Variants in NEBL observed in about 807,000 individuals in gnomAD.
The protein encoded by NEBL is nebulette.
Under a neutral mutation model 140.2 loss-of-function variants are expected in NEBL, and 122 were observed. The observed-to-expected ratio is 0.87, with a 90% CI of 0.75 to 1.01. The LOEUF is 1.01. Among genes scored for constraint, NEBL ranks in the 50% least tolerant of loss-of-function variants. NEBL has a pLI of 0.00. For synonymous variants in NEBL, 436 were observed against 398.9 expected (o/e 1.09, Z -1.11); for missense variants, 1,365 against 1,231.3 (o/e 1.11, Z -1.62).
At chr10:21,075,268 C>T (rs940787855) in intron 2 of NEBL, among the ~76,000 whole-genome samples, 2 of 152,170 alleles carry the variant, frequency 1.3e-5, no homozygotes, top group African/African-American at 2.4e-5. Context: ...ACATTTAAAA[C>T]GCTGAGGGCA....
At chr10:20,944,066 A>G (rs1835036217) in intron 4 of NEBL, among the ~76,000 whole-genome samples, 1 of 152,224 alleles carries the variant, frequency 6.6e-6, no homozygotes, top group Non-Finnish European at 1.5e-5. Flanking sequence ...CACAGTCAAT[A>G]AAAACAATAA....
intron 20 of NEBL, chr10:20,819,090 C>T (rs895860328): frequency 3.1e-5 from 31 of 1,004,128 alleles, no homozygotes; most frequent in East Asian, 6.4e-5. Context: ...TTAAGTTCAG[C>T]GGTACATGTG....
intron 2 of NEBL, chr10:21,029,416 G>C (rs763814912): frequency 2.5e-4 from 404 of 1,611,304 alleles, no homozygotes; most frequent in Non-Finnish European, 3.3e-4. Context: ...GAAAGGTTTT[G>C]GTTATGCTGA....
chr10:21,146,325 C>G lies in NEBL; in HGVS notation c.164+26058G>C, dbSNP rs748389276. 7 of 1,601,160 alleles carry G rather than the reference C, an allele frequency of 4.4e-6. No homozygotes were observed. The African/African-American group carries it at 6.7e-5, about 15-fold the overall frequency. ...CACACCCATGCAGTATAAACCTGCC[C>G]CCAACACATACTCTACCTGTTCATG... On this transcript the variant is annotated intron_variant, in intron 2 of 6. Transcript: ENST00000417816.
At chr10:20,990,296 G>A (rs934708084) in intron 3 of NEBL, among the ~76,000 whole-genome samples, 5 of 152,198 alleles carry the variant, frequency 3.3e-5, no homozygotes, top group Non-Finnish European at 7.3e-5. Context: ...TTACAGCTAT[G>A]TTTGTGTCCT....
intron 4 of NEBL, among the ~76,000 whole-genome samples, chr10:20,884,452 G>T (rs539291008): frequency 8.5e-5 from 13 of 152,234 alleles, no homozygotes; most frequent in Middle Eastern, 3.4e-3. Flanking sequence ...AAAATTCATA[G>T]ATCTCTAAAT....
chr10:20,869,951 CTACTG>C, intron 5 of NEBL, 110 bp from the exon 6 acceptor site: 1 of 796,750 alleles, frequency 1.3e-6, no homozygotes, highest in Non-Finnish European at 2.2e-6. Context: ...CTTAGAGAGC[CTACTG>C]ACCTTAAGTT....
chr10:21,030,212 G>A, intron 2 of NEBL: 1 of 517,154 alleles, frequency 1.9e-6, no homozygotes. Flanking sequence ...ACGGCCTCGG[G>A]AGAGACACCC....
chr10:21,133,139 G>A (rs118001445), intron 2 of NEBL, among the ~76,000 whole-genome samples: 1 of 152,196 alleles, frequency 6.6e-6, no homozygotes, highest in African/African-American at 2.4e-5. Flanking sequence ...AGTTAATTTT[G>A]TATGTGTGTG....
At chr10:21,158,253 C>T (rs1240616042) in intron 2 of NEBL, among the ~76,000 whole-genome samples, 6 of 152,190 alleles carry the variant, frequency 3.9e-5, no homozygotes, top group African/African-American at 7.2e-5. Flanking sequence ...TCTGTCTCTT[C>T]CCCTTTCTAA....
rs78275073 is a variant in NEBL, at chr10:21,165,347, A to G, written c.164+7036T>C. Reference sequence around the variant, plus strand: ...GATCAGAAAACGTGAGACTATCCCAACAGCAGGATACTTTATTATCCCTTG... The same window carrying G: ...GATCAGAAAACGTGAGACTATCCCAGCAGCAGGATACTTTATTATCCCTTG... On this transcript the variant is annotated intron_variant, in intron 2 of 6. Transcript: ENST00000417816. Among the ~76,000 whole-genome samples the G allele has an allele frequency of 6.6e-5, 10 of 152,320 alleles. No homozygotes were observed. The East Asian group carries it at 1.9e-3, about 29-fold the overall frequency.
At chr10:20,845,581 G>T (rs1390744969) in intron 11 of NEBL, 4 of 489,130 alleles carry the variant, frequency 8.2e-6, no homozygotes, top group Non-Finnish European at 1.5e-5. Context: ...CTCTTCCTCT[G>T]GTAAATCATT....
At chr10:20,969,771 C>T (rs1425050158) in intron 3 of NEBL, among the ~76,000 whole-genome samples, 2 of 152,018 alleles carry the variant, frequency 1.3e-5, no homozygotes, top group Non-Finnish European at 2.9e-5. Flanking sequence ...TCTCAAACTC[C>T]TGACCTCAAG....
intron 3 of NEBL, among the ~76,000 whole-genome samples, chr10:21,193,125 A>T (rs1841600206): frequency 6.6e-6 from 1 of 152,078 alleles, no homozygotes; most frequent in South Asian, 2.1e-4. Flanking sequence ...TGCTCCCAGG[A>T]TGTAGCAACC....
At chr10:21,156,024 C>CA (rs1287736831) in intron 2 of NEBL, among the ~76,000 whole-genome samples, 1 of 152,160 alleles carries the variant, frequency 6.6e-6, no homozygotes. Context: ...CCCCATATTT[C>CA]AAAACAACGG....
chr10:21,185,108 C>A (rs143005187), intron 3 of NEBL, among the ~76,000 whole-genome samples: 1 of 152,196 alleles, frequency 6.6e-6, no homozygotes, highest in Non-Finnish European at 1.5e-5. Context: ...AATGGTATGT[C>A]TCTTGCTCCA....
At chr10:21,060,817 G>A (rs371221534) in intron 2 of NEBL, among the ~76,000 whole-genome samples, 46 of 152,028 alleles carry the variant, frequency 3.0e-4, no homozygotes, top group South Asian at 2.9e-3. Flanking sequence ...CAATCCAACC[G>A]TCAATCTTCA....
intron 4 of NEBL, among the ~76,000 whole-genome samples, chr10:20,937,714 A>G (rs2131554543): frequency 1.3e-5 from 2 of 152,284 alleles, no homozygotes; most frequent in South Asian, 4.2e-4. Context: ...GACAGATGGC[A>G]CCTGGAAAAT....
upstream of NEBL, among the ~76,000 whole-genome samples, chr10:20,901,237 G>T (rs557412167): frequency 3.3e-5 from 5 of 152,238 alleles, no homozygotes; most frequent in East Asian, 7.7e-4. Flanking sequence ...TTATAATTCA[G>T]AAGTCTTCTG....
Sources: gnomAD v4.1 joint callset for allele counts (sites outside exome capture counted in the v4.1 genomes callset) on GRCh38, gnomAD v4.1.1 for gene constraint, MANE v1.5 for transcripts, NCBI Gene and HGNC (gene_info 2026-07-23, HGNC 2026-07-21) for gene names.